IL22RA2: variants seen among roughly 807,000 people sequenced by gnomAD.
IL22RA2 encodes interleukin-22 receptor subunit alpha-2.
A neutral mutation model predicts 30.7 loss-of-function variants in IL22RA2; 39 were observed. The ratio of observed to expected loss-of-function variants is 1.27; its 90% confidence interval spans 0.98 to 1.66. The LOEUF (loss-of-function observed/expected upper bound fraction) is 1.66. Ranked by LOEUF, IL22RA2 falls within the 40% of genes most tolerant of loss-of-function variation. The probability of loss-of-function intolerance (pLI) is 0.00; values close to 1 mark genes in which losing one functional copy is unlikely to be tolerated. For synonymous variants in IL22RA2, 103 were observed against 105.0 expected, an observed-to-expected ratio of 0.98 and a Z score of 0.11; for missense variants, 315 against 312.7, an observed-to-expected ratio of 1.01 and a Z score of -0.05.
At chr6:137,167,471 G>A (rs10223866) in intron 1 of IL22RA2, among the ~76,000 whole-genome samples, 1 of 152,088 alleles carries the variant, frequency 6.6e-6, no homozygotes, top group Non-Finnish European at 1.5e-5. Flanking sequence ...CCTTAGGTGA[G>A]GTCTCGCAGG....
intron 1 of IL22RA2, among the ~76,000 whole-genome samples, chr6:137,167,758 T>G (rs2114396124): frequency 6.6e-6 from 1 of 152,296 alleles, no homozygotes; most frequent in East Asian, 1.9e-4. Flanking sequence ...ACATGGCTGA[T>G]CCTGTGGTGA....
chr6:137,153,556 C>A (rs1778337346), intron 5 of IL22RA2, among the ~76,000 whole-genome samples: 3 of 152,142 alleles, frequency 2.0e-5, no homozygotes, highest in Admixed American at 2.0e-4. Flanking sequence ...GCCTTGAATT[C>A]TTCTGGTTTA....
chr6:137,150,920 A>G (rs1778276296), intron 5 of IL22RA2, among the ~76,000 whole-genome samples: 1 of 152,200 alleles, frequency 6.6e-6, no homozygotes, highest in South Asian at 2.1e-4. Flanking sequence ...CATTTTGGAC[A>G]GTATCTAATT....
chr6:137,173,077 A>G (rs1778775270), intron 1 of IL22RA2, among the ~76,000 whole-genome samples: 1 of 152,218 alleles, frequency 6.6e-6, no homozygotes, highest in South Asian at 2.1e-4. Flanking sequence ...TTTAAAGTTT[A>G]TCTACAAGAT....
intron 1 of IL22RA2, among the ~76,000 whole-genome samples, chr6:137,167,284 A>C (rs1778644527): frequency 6.6e-6 from 1 of 152,052 alleles, no homozygotes; most frequent in Non-Finnish European, 1.5e-5. Flanking sequence ...TTGCCATGAA[A>C]CTCATCTAAG....
At chr6:137,161,480 C>A (rs1179565881) in intron 2 of IL22RA2, among the ~76,000 whole-genome samples, 1 of 152,132 alleles carries the variant, frequency 6.6e-6, no homozygotes, top group Non-Finnish European at 1.5e-5. Context: ...CTCTAGAGAG[C>A]CTTTTCTTTA....
intron 1 of IL22RA2, among the ~76,000 whole-genome samples, chr6:137,169,923 T>TCATGTTCTGGTTCAGA (rs1778697015): frequency 6.6e-6 from 1 of 152,234 alleles, no homozygotes; most frequent in Non-Finnish European, 1.5e-5. Flanking sequence ...GGAAGTTAGC[T>TCATGTTCTGGTTCAGA]CATGTTCTGG....
intron 2 of IL22RA2, among the ~76,000 whole-genome samples, chr6:137,159,637 C>T (rs6904512): frequency 0.081 from 12,324 of 152,136 alleles, 1,229 homozygotes; most frequent in African/African-American, 0.24. Context: ...AGCATATCTT[C>T]TGTTTTCTCC....
chr6:137,158,219 C>T, intron 3 of IL22RA2, 128 bp downstream of exon 3: 1 of 1,102,856 alleles, frequency 9.1e-7, no homozygotes, highest in South Asian at 1.5e-5. Flanking sequence ...TCACTGTTAT[C>T]CTGACCTTGG....
At chr6:137,173,137 G>A (rs989592140) in intron 1 of IL22RA2, among the ~76,000 whole-genome samples, 9 of 152,302 alleles carry the variant, frequency 5.9e-5, no homozygotes, top group South Asian at 2.1e-4. Flanking sequence ...TTTGGAAGGC[G>A]GAGGTGGGTG....
At chr6:137,162,891 A>AT (rs971801452) in intron 1 of IL22RA2, among the ~76,000 whole-genome samples, 1 of 152,222 alleles carries the variant, frequency 6.6e-6, no homozygotes, top group African/African-American at 2.4e-5. Flanking sequence ...TGAAGAAGGA[A>AT]TTAAGGAAAT....
intron 1 of IL22RA2, among the ~76,000 whole-genome samples, chr6:137,171,201 A>G (rs1419453652): frequency 6.6e-5 from 10 of 152,234 alleles, no homozygotes; most frequent in Admixed American, 5.2e-4. Context: ...CTCAGCAGCA[A>G]GGATGCAGCA....
At chr6:137,168,556 C>T (rs1252323735) in intron 1 of IL22RA2, among the ~76,000 whole-genome samples, 1 of 152,110 alleles carries the variant, frequency 6.6e-6, no homozygotes, top group African/African-American at 2.4e-5. Context: ...GCCACCAAGG[C>T]CATAATAGGA....
chr6:137,154,856 G>C, intron 5 of IL22RA2, 85 bp downstream of exon 5: 2 of 1,146,656 alleles, frequency 1.7e-6, no homozygotes, highest in African/African-American at 3.0e-5. Flanking sequence ...CCTCAGCAAA[G>C]CACAAGGCCT....
intron 2 of IL22RA2, among the ~76,000 whole-genome samples, chr6:137,159,852 T>TA (rs768967393): frequency 6.6e-6 from 1 of 152,190 alleles, no homozygotes; most frequent in East Asian, 1.9e-4. Flanking sequence ...TTGAGATGGT[T>TA]AAAAAAACAC....
rs1240948605 is a variant in IL22RA2 at position 137,145,361 on chromosome 6, A to C, written c.*263T>G. The C allele has an allele frequency of 1.3e-5, 4 of 296,780 alleles. No homozygotes were observed. Among genetic ancestry groups the C allele is most frequent in the Non-Finnish European group, 2.5e-5 (4 of 162,876 alleles). 18.4% of individuals were successfully genotyped at this position (296,780 alleles called of 1,614,324 possible). On this transcript the variant is annotated 3_prime_UTR_variant, in exon 7 of 7. Coordinates refer to ENST00000296980, the MANE Select transcript of IL22RA2 (RefSeq NM_052962.3). ...ATTAGGGATGTTACATTCAGAAATA[A>C]AGTTCTGAATTTCATAGAACACTTT...
chr6:137,159,403 C>T (rs573287589), intron 2 of IL22RA2, among the ~76,000 whole-genome samples: 7 of 152,114 alleles, frequency 4.6e-5, no homozygotes, highest in Non-Finnish European at 7.4e-5. Flanking sequence ...TCACTGCAAC[C>T]TCTGCCTCCC....
At chr6:137,160,821 A>G (rs983405004) in intron 2 of IL22RA2, among the ~76,000 whole-genome samples, 6 of 152,246 alleles carry the variant, frequency 3.9e-5, no homozygotes, top group Admixed American at 3.9e-4. Flanking sequence ...ACATTTTGGT[A>G]GCATTTGAAT....
chr6:137,152,045 A>G (rs944313184), intron 5 of IL22RA2, among the ~76,000 whole-genome samples: 3 of 152,180 alleles, frequency 2.0e-5, no homozygotes, highest in African/African-American at 7.2e-5. Context: ...TATATTGAAG[A>G]GAAATATAAA....
Sources: gnomAD v4.1 joint callset for allele counts (sites outside exome capture counted in the v4.1 genomes callset) on GRCh38, gnomAD v4.1.1 for gene constraint, MANE v1.5 for transcripts, NCBI Gene and HGNC (gene_info 2026-07-23, HGNC 2026-07-21) for gene names.